SERF2: variants seen among roughly 807,000 people sequenced by gnomAD.
The protein encoded by SERF2 is small EDRK-rich factor 2.
Under a neutral mutation model 10.7 loss-of-function variants are expected in SERF2, and 4 were observed. The observed-to-expected ratio is 0.37, with a 90% CI of 0.18 to 0.86. The LOEUF is 0.86. Among genes scored for constraint, SERF2 ranks in the 40% least tolerant of loss-of-function variants. The pLI is 0.43. For synonymous variants in SERF2, 26 were observed against 26.0 expected (o/e 1.00, Z 0.01); for missense variants, 47 against 79.1 (o/e 0.59, Z 1.54).
intron 1 of SERF2, among the ~76,000 whole-genome samples, chr15:43,784,746 G>A (rs773074837): frequency 2.7e-5 from 4 of 150,430 alleles, no homozygotes; most frequent in Non-Finnish European, 5.9e-5. Flanking sequence ...GTGAGCCACC[G>A]CGCCCGGCCC....
In SERF2 at chr15:43,795,620, C is replaced by T. The variant is rs1191905411; in HGVS notation, c.*1847C>T. 2.5e-6 allele frequency: 4 copies of T among 1,610,446 alleles called. No individual in the cohort carries two copies. Among genetic ancestry groups the T allele is most frequent in the African/African-American group, 1.3e-5 (1 of 74,798 alleles). On this transcript the variant is annotated 3_prime_UTR_variant, in exon 3 of 3. Coordinates refer to ENST00000249786, the MANE Select transcript of SERF2 (RefSeq NM_001018108.4). ...TCTCCCCCAACTACCTTTGTTAAGG[C>T]TCTTGAGGGTTCTTATGGCACTCCA...
At position 43,787,070 on chromosome 15, in the gene SERF2, G is replaced by T. The variant is rs1052806998; in HGVS notation, c.-402+1536G>T. 2.0e-5 allele frequency among the ~76,000 whole-genome samples: 3 copies of T among 149,586 alleles called. No homozygotes were observed. In the South Asian group the frequency reaches 6.5e-4, roughly 32 times the overall value. On this transcript the variant is annotated intron_variant, in intron 2 of 4. Coordinates refer to the SERF2 transcript ENST00000381359. ...CTGGAGTGCAGTGGCGCTCCACTCGGCTTACTGCAACCTCCGCCTCCTGGG... is the reference window on the plus strand; with the variant it reads ...CTGGAGTGCAGTGGCGCTCCACTCGTCTTACTGCAACCTCCGCCTCCTGGG...
Position 43,796,036 on chromosome 15 carries a change from C to T in SERF2, c.*2263C>T. The T allele has an allele frequency of 1.3e-6, 1 of 776,458 alleles. No homozygotes were observed. Among genetic ancestry groups the T allele is most frequent in the Non-Finnish European group, 2.2e-6 (1 of 448,890 alleles). The allele number at this position is 776,458 out of a possible 1,614,324, so 48.1% of individuals were successfully genotyped here. On this transcript the variant is annotated 3_prime_UTR_variant, in exon 3 of 3. Coordinates refer to ENST00000249786, the MANE Select transcript of SERF2 (RefSeq NM_001018108.4). Reference sequence around the variant, plus strand: ...ACAGTTGCCTAGCACATTGTGGGTACTCAATAAAAGGTAACAGCAGCTATA... The same window carrying T: ...ACAGTTGCCTAGCACATTGTGGGTATTCAATAAAAGGTAACAGCAGCTATA...
At position 43,783,927 on chromosome 15, in the gene SERF2, A is replaced by ATTTTTTTTTTTTTT. The variant is rs71111825; in HGVS notation, c.-526-1467_-526-1454dup. ...CAAGCGGGTGCCACCACGCCCAGCT[A>ATTTTTTTTTTTTTT]TTTTTTTTTTTTTTTTTTTTTTTTT... On this transcript the variant is annotated intron_variant, in intron 1 of 4. Transcript: ENST00000381359. Among the ~76,000 whole-genome samples the ATTTTTTTTTTTTTT allele has an allele frequency of 1.6e-3, 79 of 48,150 alleles. 2 individuals carry two copies. Among genetic ancestry groups the ATTTTTTTTTTTTTT allele is most frequent in the Non-Finnish European group, 2.3e-3 (61 of 26,980 alleles). 31.6% of individuals were successfully genotyped at this position (48,150 alleles called of 152,430 possible).
At chr15:43,790,202 G>A (rs948758240), upstream of SERF2, among the ~76,000 whole-genome samples, 2 of 151,524 alleles carry the variant, frequency 1.3e-5, no homozygotes, top group East Asian at 3.9e-4. Context: ...CCAGCTACTC[G>A]GGAGGCTGAG....
Position 43,792,955 on chromosome 15 carries a change from C to G in SERF2, c.8-20C>G, listed in dbSNP as rs776736585. 8 of 1,568,496 alleles carry G rather than the reference C, an allele frequency of 5.1e-6. No homozygotes were observed. In the African/African-American group the frequency reaches 8.1e-5, roughly 16 times the overall value. On this transcript the variant is annotated intron_variant, in intron 1 of 2. Transcript: ENST00000249786. ...GGGCAGAGCGGCCCCCGCGTCTCAC[C>G]TTTAATTTTCTTTCCTTAGGCGGTA...
At chr15:43,784,157 A>C (rs1160871614) in intron 1 of SERF2, among the ~76,000 whole-genome samples, 1 of 151,898 alleles carries the variant, frequency 6.6e-6, no homozygotes, top group African/African-American at 2.4e-5. Context: ...CTTGGTCTCA[A>C]GTGATTCTCT....
chr15:43,779,134 G>T (rs910292184), intron 1 of SERF2, among the ~76,000 whole-genome samples: 1 of 152,212 alleles, frequency 6.6e-6, no homozygotes, highest in Non-Finnish European at 1.5e-5. Flanking sequence ...CTAAAGGTAG[G>T]AGTGTGGGCA....
chr15:43,785,704 C>CTTTTTTTT (rs71415810), intron 2 of SERF2, among the ~76,000 whole-genome samples: 34 of 122,682 alleles, frequency 2.8e-4, no homozygotes, highest in Admixed American at 4.3e-4. Flanking sequence ...TTTTCTTTTT[C>CTTTTTTTT]TTTTTTTTTT....
chr15:43,792,520 C>G, intron 1 of SERF2, 137 bp downstream of exon 1: 2 of 1,540,010 alleles, frequency 1.3e-6, no homozygotes, highest in Non-Finnish European at 1.8e-6. Flanking sequence ...CACCCTCACA[C>G]TCGGTGCCCG....
Position 43,793,896 on chromosome 15 carries a change from T to C in SERF2, c.*123T>C. On this transcript the variant is annotated 3_prime_UTR_variant, in exon 3 of 3. Coordinates refer to ENST00000249786, the MANE Select transcript of SERF2 (RefSeq NM_001018108.4). ...AGCACCGATGGCATTCCCTTTGCCC[T>C]GAGTCTGCAGCGGGTCCCTTTTGTG... 6 of 1,595,982 alleles carry C rather than the reference T, an allele frequency of 3.8e-6. No homozygotes were observed. The highest frequency in any genetic ancestry group is 1.3e-5 in the African/African-American group (1 of 74,792).
In SERF2 at chr15:43,794,396, G is replaced by A. The variant is rs540101461; in HGVS notation, c.*623G>A. 1.0e-3 allele frequency: 170 copies of A among 165,910 alleles called. 2 individuals carry two copies. Among genetic ancestry groups the A allele is most frequent in the African/African-American group, 3.9e-3 (163 of 41,924 alleles). The allele number at this position is 165,910 out of a possible 1,614,324, so 10.3% of individuals were successfully genotyped here. ...CAGTTTGTTCGTCTGCTTGAAAGTTGGCCAAAAAATCCTGCTGCTCACCGA... is the reference window on the plus strand; with the variant it reads ...CAGTTTGTTCGTCTGCTTGAAAGTTAGCCAAAAAATCCTGCTGCTCACCGA... On this transcript the variant is annotated 3_prime_UTR_variant, in exon 3 of 3. Coordinates refer to ENST00000249786, the MANE Select transcript of SERF2 (RefSeq NM_001018108.4).
In SERF2 at chr15:43,780,758, A is replaced by G. The variant is rs75535622; in HGVS notation, c.-527+3256A>G. Among the ~76,000 whole-genome samples the G allele has an allele frequency of 2.4e-4, 37 of 152,292 alleles. 1 individual carries two copies. In the East Asian group the frequency reaches 6.7e-3, roughly 28 times the overall value. On this transcript the variant is annotated intron_variant, in intron 1 of 4. Coordinates refer to the SERF2 transcript ENST00000381359. ...TGACAATCAGAACATGTTTCTGTTC[A>G]TGTCTCCCATCCACAAATGTAATGC...
intron 1 of SERF2, among the ~76,000 whole-genome samples, chr15:43,781,037 C>T (rs541768753): frequency 5.3e-5 from 8 of 152,196 alleles, no homozygotes; most frequent in African/African-American, 1.9e-4. Flanking sequence ...GGCAGCAACA[C>T]TACTCTTGCA....
intron 2 of SERF2, chr15:43,785,593 T>TA (rs2086999990): frequency 1.3e-5 from 2 of 152,090 alleles, no homozygotes; most frequent in Admixed American, 1.3e-4. Context: ...CTCCCTATTG[T>TA]TGTTCAATAC....
At chr15:43,792,510 C>A (rs2141678905) in intron 1 of SERF2, 127 bp downstream of exon 1, 1 of 1,554,876 alleles carries the variant, frequency 6.4e-7, no homozygotes, top group Non-Finnish European at 8.7e-7. Flanking sequence ...GCTCTGTGGC[C>A]ACCCTCACAC....
At chr15:43,792,301 C>T, upstream of SERF2, 2 of 1,284,696 alleles carry the variant, frequency 1.6e-6, no homozygotes, top group Admixed American at 1.7e-5. Context: ...GCTACGTTGC[C>T]AGAAGGGGCG....
At chr15:43,791,276 C>T (rs1314765827), upstream of SERF2, among the ~76,000 whole-genome samples, 1 of 151,634 alleles carries the variant, frequency 6.6e-6, no homozygotes, top group African/African-American at 2.4e-5. Flanking sequence ...GGATCTCGCA[C>T]TGTCGCCTGG....
intron 1 of SERF2, 144 bp downstream of exon 1, chr15:43,792,527 C>G: frequency 2.6e-6 from 4 of 1,528,140 alleles, no homozygotes; most frequent in Non-Finnish European, 3.5e-6. Flanking sequence ...ACACTCGGTG[C>G]CCGGAAATCG....
Sources: allele counts gnomAD v4.1 joint callset (sites outside exome capture counted in the v4.1 genomes callset), GRCh38; gene constraint gnomAD v4.1.1; transcripts MANE v1.5; gene names NCBI Gene and HGNC (gene_info 2026-07-23, HGNC 2026-07-21).